Variants in LTBP3 observed in about 807,000 individuals in gnomAD.
LTBP3 encodes the protein latent-transforming growth factor beta-binding protein 3.
A neutral mutation model predicts 159.7 loss-of-function variants in LTBP3; 97 were observed. The observed-to-expected ratio is 0.61, with a 90% CI of 0.52 to 0.72. LTBP3 has a LOEUF of 0.72. Among genes scored for constraint, LTBP3 ranks in the 30% least tolerant of loss-of-function variants. The pLI is 0.00. For missense variants in LTBP3, 1,584 were observed against 1,864.3 expected, an observed-to-expected ratio of 0.85 and a Z score of 2.77; for synonymous variants, 824 against 777.1, an observed-to-expected ratio of 1.06 and a Z score of -1.00.
At chr11:65,550,080 T>G (rs1449269889) in intron 11 of LTBP3, among the ~76,000 whole-genome samples, 1 of 151,998 alleles carries the variant, frequency 6.6e-6, no homozygotes, top group Admixed American at 6.6e-5. Flanking sequence ...AGCCGATCAA[T>G]AAGCAGAATC....
chr11:65,548,405 A>G (rs769158527), intron 11 of LTBP3: 5 of 533,550 alleles, frequency 9.4e-6, no homozygotes, highest in African/African-American at 1.9e-5. Context: ...CTTTCTCCCC[A>G]GTCGCCTCAA....
chr11:65,540,986 G>A, intron 20 of LTBP3, 32 bp from the exon 21 acceptor site: 1 of 1,605,764 alleles, frequency 6.2e-7, no homozygotes, highest in South Asian at 1.1e-5. Flanking sequence ...GGGGAGGGAA[G>A]AGGCAGGACT....
rs1856404024 is a variant in LTBP3 at position 65,547,055 on chromosome 11, C to T, written c.2108-135G>A. ...ACCCCAACCTCTGAGAGGCCCAGAG[C>T]CGAGCATACAGGCCGGGTGCGGTGG... is the stretch of plus-strand genomic sequence containing the variant. On this transcript the variant is annotated intron_variant, in intron 14 of 27. Coordinates refer to ENST00000301873, the MANE Select transcript of LTBP3 (RefSeq NM_001130144.3). This position sits in a 1 kb window ranked among gnomAD's most constrained non-coding sequence, Gnocchi z 4.6. 7.6e-7 allele frequency: 1 copy of T among 1,310,190 alleles called. No individual in the cohort carries two copies. Among genetic ancestry groups the T allele is most frequent in the Non-Finnish European group, 1.0e-6 (1 of 954,316 alleles). 81.2% of individuals were successfully genotyped at this position (1,310,190 alleles called of 1,614,324 possible).
chr11:65,545,773 A>AATGGT, intron 16 of LTBP3: 1 of 195,276 alleles, frequency 5.1e-6, no homozygotes. Context: ...GCCCTCTAAC[A>AATGGT]CCTTCTGGGT....
At chr11:65,542,998 AGGATGGTT>A in intron 18 of LTBP3, 99 bp downstream of exon 18, 1 of 1,409,898 alleles carries the variant, frequency 7.1e-7, no homozygotes, top group Non-Finnish European at 9.9e-7. Flanking sequence ...GGATGGATGA[AGGATGGTT>A]GGATGGGTGG....
In LTBP3 at chr11:65,539,336, C is replaced by CGGGCGCG; in HGVS notation, c.3745_3751dup (p.Arg1251ProfsTer101). ...CCCGAAGCCCGGCTCACCCACGCAG[C>CGGGCGCG]GGGCGCGGGAGGCGTCGAGCTGGAA... On this transcript the variant is annotated frameshift_variant, in exon 27 of 28. Transcript: ENST00000301873. LOFTEE classifies it high-confidence loss of function. The CGGGCGCG allele has an allele frequency of 6.6e-7, 1 of 1,517,798 alleles. No individual in the cohort carries two copies. The highest frequency in any genetic ancestry group is 8.8e-7 in the Non-Finnish European group (1 of 1,130,046). 94.0% of individuals were successfully genotyped at this position (1,517,798 alleles called of 1,614,324 possible). A position where few individuals can be genotyped will look rare whatever the true frequency, so the allele number is the denominator to read the frequency against.
rs1237297549 is a variant in LTBP3 at position 65,551,416 on chromosome 11, G to A, written c.1607C>T (p.Ala536Val). 1.2e-6 allele frequency: 2 copies of A among 1,613,542 alleles called. No individual in the cohort carries two copies. The highest frequency in any genetic ancestry group is 3.3e-5 in the Admixed American group (2 of 60,014). The change falls in exon 10 of 28, where the codon GCC becomes GTC. Residue 536 changes from alanine (A) to valine (V), a missense_variant. By Grantham distance (64) the Ala-to-Val change is moderately conservative (BLOSUM62 0). This residue lies in a region of LTBP3 where 565 missense variants were observed against 677.7 expected (regional missense o/e 0.83). Transcript: ENST00000301873. Reference sequence around the variant, plus strand: ...GCCCAGCTCACCGGGGTAGGGCCGGGCAGGAGTCGTGGTGGCAGTTGGGTG... The same window carrying A: ...GCCCAGCTCACCGGGGTAGGGCCGGACAGGAGTCGTGGTGGCAGTTGGGTG... ...QSHPTATTTP[A>V]RPYPELISRP...
intron 1 of LTBP3, 32 bp downstream of exon 1, chr11:65,557,597 C>T (rs367630026): frequency 6.2e-7 from 1 of 1,604,838 alleles, no homozygotes; most frequent in Non-Finnish European, 8.5e-7. Context: ...GCCTGTCCTT[C>T]CCCTGCCCCC....
Position 65,546,800 on chromosome 11 carries a change from C to A in LTBP3, c.2228G>T (p.Arg743Leu), listed in dbSNP as rs1356168485. The A allele has an allele frequency of 1.2e-6, 2 of 1,603,044 alleles. No individual in the cohort carries two copies. Among genetic ancestry groups the A allele is most frequent in the Non-Finnish European group, 1.7e-6 (2 of 1,179,406 alleles). ...GYRSQGGGAC[R>L]DVNECAEGSP... ...TCGGCTCCGGGCCCCGCCCTCACCG[C>A]GACAGGCCCCGCCCCCCTGGCTGCG... Residue 743 changes from arginine (R) to leucine (L), a missense_variant and splice_region_variant, in exon 15 of 28, where the codon CGC becomes CTC. Arg to Leu is a moderately radical substitution (Grantham distance 102). Transcript: ENST00000301873. This position sits in a 1 kb window ranked among gnomAD's most constrained non-coding sequence, Gnocchi z 4.0.
At chr11:65,540,220 C>T in intron 23 of LTBP3, 25 bp downstream of exon 23, 1 of 1,547,612 alleles carries the variant, frequency 6.5e-7, no homozygotes, top group South Asian at 1.2e-5. Flanking sequence ...CTCCCGCGTA[C>T]CCCACTCCCC....
chr11:65,546,261 T>G lies in LTBP3; in HGVS notation c.2353+181A>C. On this transcript the variant is annotated intron_variant, in intron 16 of 27. Transcript: ENST00000301873. The surrounding 1 kb of genome is among the most constrained non-coding windows in gnomAD (Gnocchi z 4.0). ...GCTTCGAGCTCTACCCCGAGACCCT[T>G]CCTACGTGGAAATTCTAGTGGTGCC... 8.0e-6 allele frequency: 6 copies of G among 751,274 alleles called. No homozygotes were observed. The highest frequency in any genetic ancestry group is 1.0e-5 in the Non-Finnish European group (5 of 486,030). The allele number at this position is 751,274 out of a possible 1,614,324, so 46.5% of individuals were successfully genotyped here.
At chr11:65,540,834 A>G in intron 21 of LTBP3, 37 bp downstream of exon 21, 1 of 1,583,558 alleles carries the variant, frequency 6.3e-7, no homozygotes, top group Non-Finnish European at 8.6e-7. Context: ...ACCCGGGGTG[A>G]GAGGGCGCGG....
At chr11:65,543,642 G>C in intron 16 of LTBP3, 93 bp from the exon 17 acceptor site, 1 of 1,523,938 alleles carries the variant, frequency 6.6e-7, no homozygotes, top group Non-Finnish European at 9.1e-7. Flanking sequence ...TGGAGCACCA[G>C]AGCTGAGGCC....
chr11:65,552,080 C>T lies in LTBP3; in HGVS notation c.1423G>A (p.Glu475Lys), dbSNP rs1199471046. ...TGCAGGAAAAGGGAAAAGTCACTCT[C>T]GCCCTGAATGGTGAGCGTCTGGTGG... ...TSHQTLTIQGESDFSLFLHPD... is the reference protein window; with the variant it reads ...TSHQTLTIQGKSDFSLFLHPD... The change falls in exon 8 of 28, where the codon GAG becomes AAG. Residue 475 changes from glutamate to lysine, a missense_variant. Physicochemically the swap from Glu to Lys is moderately conservative, Grantham distance 56. This residue lies in a region of LTBP3 where 565 missense variants were observed against 677.7 expected (regional missense o/e 0.83). Coordinates refer to ENST00000301873, the MANE Select transcript of LTBP3 (RefSeq NM_001130144.3). This position sits in a 1 kb window ranked among gnomAD's most constrained non-coding sequence, Gnocchi z 6.0. The T allele has an allele frequency of 6.8e-6, 11 of 1,613,984 alleles. No individual in the cohort carries two copies. The African/African-American group carries it at 8.0e-5, about 12-fold the overall frequency.
rs950734825 is a variant in LTBP3 at position 65,538,768 on chromosome 11, G to A, written c.*312C>T. On this transcript the variant is annotated 3_prime_UTR_variant, in exon 28 of 28. Coordinates refer to ENST00000301873, the MANE Select transcript of LTBP3 (RefSeq NM_001130144.3). ...CTGGGGTCTGGCGCCGCCCTGCGCA[G>A]CCCGCGCCCACGTCAGACGTGAACA... The A allele has an allele frequency of 6.9e-6, 6 of 872,282 alleles. No homozygotes were observed. In the African/African-American group the frequency reaches 1.0e-4, roughly 15 times the overall value. 54.0% of individuals were successfully genotyped at this position (872,282 alleles called of 1,614,324 possible).
At chr11:65,557,047 C>T (rs1229767780) in intron 1 of LTBP3, among the ~76,000 whole-genome samples, 1 of 151,974 alleles carries the variant, frequency 6.6e-6, no homozygotes, top group Non-Finnish European at 1.5e-5. Flanking sequence ...AAAGGAGAGG[C>T]TGAGAACCCC....
chr11:65,539,067 G>GATTC lies in LTBP3; in HGVS notation c.*12_*13insGAAT. ...GATCACCGAGGTCTGGGCCGAGGGCGGCGTCGGCGGCGTCAGCGGCGGCGC... is the reference window on the plus strand; with the variant it reads ...GATCACCGAGGTCTGGGCCGAGGGCGATTCGCGTCGGCGGCGTCAGCGGCGGCGC... On this transcript the variant is annotated 3_prime_UTR_variant, in exon 28 of 28. Coordinates refer to ENST00000301873, the MANE Select transcript of LTBP3 (RefSeq NM_001130144.3). The GATTC allele has an allele frequency of 7.3e-7, 1 of 1,366,178 alleles. No individual in the cohort carries two copies. Among genetic ancestry groups the GATTC allele is most frequent in the Admixed American group, 3.6e-5 (1 of 27,854 alleles). The allele number at this position is 1,366,178 out of a possible 1,614,324, so 84.6% of individuals were successfully genotyped here.
At chr11:65,557,538 C>A (rs1185366666) in intron 1 of LTBP3, 91 bp downstream of exon 1, 6 of 1,564,696 alleles carry the variant, frequency 3.8e-6, no homozygotes, top group Non-Finnish European at 5.2e-6. Context: ...TACCCTCAGC[C>A]CCCAGTCTCT....
At chr11:65,544,052 G>T in intron 16 of LTBP3, 1 of 190,476 alleles carries the variant, frequency 5.3e-6, no homozygotes, top group South Asian at 9.8e-5. Context: ...TCCTGTGGCT[G>T]TCAGCACCCA....
Sources: allele counts gnomAD v4.1 joint callset (sites outside exome capture counted in the v4.1 genomes callset), GRCh38; gene constraint gnomAD v4.1.1; regional missense constraint gnomAD v4.1.1; non-coding constraint Gnocchi (gnomAD v3.1); transcripts MANE v1.5; gene names NCBI Gene and HGNC (gene_info 2026-07-23, HGNC 2026-07-21).